Variants in NOL7 observed in about 807,000 individuals in gnomAD.
The protein encoded by NOL7 is U3 small nucleolar RNA-associated protein NOL7.
Under a neutral mutation model 38.4 loss-of-function variants are expected in NOL7, and 36 were observed. The observed-to-expected ratio is 0.94, with a 90% CI of 0.72 to 1.24. The LOEUF (loss-of-function observed/expected upper bound fraction) is 1.24, where lower values mean the gene tolerates loss of function less well. NOL7 is among the 50% of genes most tolerant of loss of function. NOL7 has a pLI of 0.00. For missense variants in NOL7, 350 were observed against 315.1 expected, an observed-to-expected ratio of 1.11 and a Z score of -0.84; for synonymous variants, 142 against 126.5, an observed-to-expected ratio of 1.12 and a Z score of -0.82.
At chr6:13,632,317 A>G in intron 8 of NOL7, 1 of 1,560,552 alleles carries the variant, frequency 6.4e-7, no homozygotes, top group Non-Finnish European at 8.7e-7. Context: ...TCACAAAACT[A>G]CATTTTAGTT....
chr6:13,628,551 A>T (rs1257369557), intron 8 of NOL7, among the ~76,000 whole-genome samples: 1 of 152,236 alleles, frequency 6.6e-6, no homozygotes, highest in East Asian at 1.9e-4. Flanking sequence ...TTTTAGAAGG[A>T]TCACACAAAA....
rs1470538551 is a variant in NOL7, at chr6:13,620,929, T to C, written c.*102T>C. The C allele has an allele frequency of 4.2e-6, 3 of 709,834 alleles. No homozygotes were observed. The highest frequency in any genetic ancestry group is 6.8e-6 in the Non-Finnish European group (3 of 441,072). 44.0% of individuals were successfully genotyped at this position (709,834 alleles called of 1,614,324 possible). On this transcript the variant is annotated 3_prime_UTR_variant, in exon 8 of 8. Transcript: ENST00000451315. ...GATCATTATAAAAATCATAAACCTA[T>C]TTGAGGAAGTGCTCAACCACATTTC...
intron 7 of NOL7, 24 bp downstream of exon 7, chr6:13,620,509 G>C: frequency 6.3e-7 from 1 of 1,586,216 alleles, no homozygotes; most frequent in Non-Finnish European, 8.7e-7. Context: ...TTATTCTCCT[G>C]TCTCTAATAG....
At chr6:13,627,312 A>G (rs1293239628) in intron 8 of NOL7, among the ~76,000 whole-genome samples, 1 of 152,126 alleles carries the variant, frequency 6.6e-6, no homozygotes, top group Non-Finnish European at 1.5e-5. Flanking sequence ...TTTATCCTGT[A>G]AAGCTAACTC....
rs1344745508 is a variant in NOL7 at position 13,619,538 on chromosome 6, T to G, written c.501-670T>G. Reference sequence around the variant, plus strand: ...AATTCATCACAGTATGTTGGACTTTTCATTTGGAAAAACTTATTTGGCACA... The same window carrying G: ...AATTCATCACAGTATGTTGGACTTTGCATTTGGAAAAACTTATTTGGCACA... On this transcript the variant is annotated intron_variant, in intron 5 of 7. Coordinates refer to ENST00000451315, the MANE Select transcript of NOL7 (RefSeq NM_016167.5). Among the ~76,000 whole-genome samples, 5 of 152,266 alleles carry G rather than the reference T, an allele frequency of 3.3e-5. No homozygotes were observed. The East Asian group carries it at 9.6e-4, about 29-fold the overall frequency.
At chr6:13,628,034 GACA>G (rs1352612093) in intron 8 of NOL7, among the ~76,000 whole-genome samples, 9 of 152,170 alleles carry the variant, frequency 5.9e-5, no homozygotes, top group Non-Finnish European at 1.0e-4. Flanking sequence ...TCTTTAAAAT[GACA>G]ACAACGTATT....
At chr6:13,623,410 GAA>G (rs1764513342), downstream of NOL7, among the ~76,000 whole-genome samples, 2 of 152,128 alleles carry the variant, frequency 1.3e-5, no homozygotes, top group Admixed American at 6.5e-5. Context: ...GTGGAAGAAA[GAA>G]GAGGAAATTT....
chr6:13,620,203 A>G lies in NOL7; in HGVS notation c.501-5A>G. 6 of 1,604,442 alleles carry G rather than the reference A, an allele frequency of 3.7e-6. No individual in the cohort carries two copies. Among genetic ancestry groups the G allele is most frequent in the Non-Finnish European group, 5.1e-6 (6 of 1,177,500 alleles). The stretch of plus-strand genomic sequence containing the variant: ...TCTTATTTAACCTTTTATATTGATC[A>G]ACAGCCAGAATAAAAGCTACTTGGC... On this transcript the variant is annotated splice_polypyrimidine_tract_variant and splice_region_variant and intron_variant, in intron 5 of 7. Transcript: ENST00000451315.
downstream of NOL7, among the ~76,000 whole-genome samples, chr6:13,622,849 T>A (rs1764491845): frequency 6.6e-6 from 1 of 152,248 alleles, no homozygotes; most frequent in Non-Finnish European, 1.5e-5. Flanking sequence ...CAAAGTCAGT[T>A]GATACTAACT....
At chr6:13,622,065 T>G, downstream of NOL7, 37 of 166,356 alleles carry the variant, frequency 2.2e-4, no homozygotes, top group Non-Finnish European at 3.8e-4. Flanking sequence ...GAAGGCAGGA[T>G]TTTTGGTTTC....
chr6:13,625,896 C>G, downstream of NOL7: 1 of 581,162 alleles, frequency 1.7e-6, no homozygotes, highest in Non-Finnish European at 3.2e-6. Flanking sequence ...CCCATTTACT[C>G]CCAGCACTGG....
At chr6:13,622,272 T>A (rs1214172086), downstream of NOL7, 2 of 1,300,440 alleles carry the variant, frequency 1.5e-6, no homozygotes, top group Non-Finnish European at 2.0e-6. Context: ...GTACATAATT[T>A]AAAAAATCTA....
rs1271461935 is a variant in NOL7 at position 13,621,058 on chromosome 6, A to AC, written c.*232dup. On this transcript the variant is annotated 3_prime_UTR_variant, in exon 8 of 8. Transcript: ENST00000451315. ...ATTTAACTGAATTCAAGCCATACCC[A>AC]CATCAGCAACAGCACCTCTTCTACT... 9 of 279,288 alleles carry AC rather than the reference A, an allele frequency of 3.2e-5. No individual in the cohort carries two copies. The highest frequency in any genetic ancestry group is 1.9e-4 in the Admixed American group (4 of 20,758). The allele number at this position is 279,288 out of a possible 1,614,324, so 17.3% of individuals were successfully genotyped here.
rs535648649 is a variant in NOL7 at position 13,615,357 on chromosome 6, C to A, written c.-2C>A. 287 of 1,483,980 alleles carry A rather than the reference C, an allele frequency of 1.9e-4. 1 individual carries two copies. Among genetic ancestry groups the A allele is most frequent in the Middle Eastern group, 9.8e-4 (4 of 4,100 alleles). The allele number at this position is 1,483,980 out of a possible 1,614,324, so 91.9% of individuals were successfully genotyped here. On this transcript the variant is annotated 5_prime_UTR_variant, in exon 1 of 8. Transcript: ENST00000451315. ...GTCAGACGGTCTAGCGCTGCGTGGG[C>A]CATGGTGCAGCTCCGACCGCGAGCG...
At chr6:13,622,030 C>T (rs1041243336), downstream of NOL7, 2 of 163,430 alleles carry the variant, frequency 1.2e-5, no homozygotes, top group African/African-American at 4.8e-5. Context: ...CATTTCCTTC[C>T]CCTCTCTCCC....
At chr6:13,616,607 C>G (rs1764297033) in intron 3 of NOL7, 86 bp downstream of exon 3, 1 of 926,242 alleles carries the variant, frequency 1.1e-6, no homozygotes, top group Non-Finnish European at 1.6e-6. Context: ...ATCCATATAA[C>G]TGAAGGAATT....
chr6:13,631,655 A>G (rs532345816), intron 8 of NOL7, among the ~76,000 whole-genome samples: 26 of 152,278 alleles, frequency 1.7e-4, no homozygotes, highest in Middle Eastern at 3.4e-3. Context: ...CTTTAATTTC[A>G]GTCTTCTTCC....
chr6:13,629,660 G>T (rs1010446073), intron 8 of NOL7, among the ~76,000 whole-genome samples: 2 of 152,076 alleles, frequency 1.3e-5, no homozygotes, highest in East Asian at 3.9e-4. Flanking sequence ...ACTTTCCACA[G>T]TCCCTACAAC....
Position 13,615,705 on chromosome 6 carries a change from C to T in NOL7, c.267-7C>T, listed in dbSNP as rs1255931721. On this transcript the variant is annotated splice_region_variant and splice_polypyrimidine_tract_variant and intron_variant, in intron 1 of 7. Transcript: ENST00000451315. ...TCCCTTTGCTGACTTATCACCCTTC[C>T]TCCCAGGGATAAAACGCTCCTGAAG... is the stretch of plus-strand genomic sequence containing the variant. 5 of 1,614,254 alleles carry T rather than the reference C, an allele frequency of 3.1e-6. No individual in the cohort carries two copies. Among genetic ancestry groups the T allele is most frequent in the East Asian group, 2.2e-5 (1 of 44,886 alleles).
Sources: gnomAD v4.1 joint callset for allele counts (sites outside exome capture counted in the v4.1 genomes callset) on GRCh38, gnomAD v4.1.1 for gene constraint, MANE v1.5 for transcripts, NCBI Gene and HGNC (gene_info 2026-07-23, HGNC 2026-07-21) for gene names.